Variants in CUL1 observed in about 807,000 individuals in gnomAD.
The protein encoded by CUL1 is cullin 1, also known as cullin-1.
A neutral mutation model predicts 118.0 loss-of-function variants in CUL1; 24 were observed. That is an observed-to-expected ratio of 0.20 (90% CI 0.15 to 0.29). The LOEUF (loss-of-function observed/expected upper bound fraction) is 0.29, where lower values mean the gene tolerates loss of function less well. Among genes scored for constraint, CUL1 ranks in the 10% least tolerant of loss-of-function variants. The pLI, the probability that CUL1 is intolerant of heterozygous loss-of-function variation, is 1.00. For missense variants in CUL1, 361 were observed against 933.8 expected, an observed-to-expected ratio of 0.39 and a Z score of 7.99; for synonymous variants, 332 against 340.4, an observed-to-expected ratio of 0.98 and a Z score of 0.27.
At chr7:148,754,473 CTCTT>C (rs1799594522) in intron 3 of CUL1, among the ~76,000 whole-genome samples, 1 of 152,166 alleles carries the variant, frequency 6.6e-6, no homozygotes, top group Non-Finnish European at 1.5e-5. Flanking sequence ...CCGTGCCCAG[CTCTT>C]TCTGTTTTTT....
intron 2 of CUL1, among the ~76,000 whole-genome samples, chr7:148,741,481 T>G (rs774918930): frequency 1.3e-5 from 2 of 152,236 alleles, no homozygotes; most frequent in Non-Finnish European, 2.9e-5. Context: ...TTGCTGTAAT[T>G]CAGGATGGAG....
chr7:148,760,178 G>T (rs867342692), intron 6 of CUL1, among the ~76,000 whole-genome samples, 155 bp from the exon 7 acceptor site: 1 of 151,996 alleles, frequency 6.6e-6, no homozygotes, highest in Non-Finnish European at 1.5e-5. Flanking sequence ...TTGAAAGAGT[G>T]TACTTTAATA....
intron 1 of CUL1, among the ~76,000 whole-genome samples, chr7:148,703,521 T>TTTTTTTG (rs201651064): frequency 2.8e-4 from 42 of 150,928 alleles, no homozygotes; most frequent in Non-Finnish European, 4.9e-4. Flanking sequence ...CTAGTGAAGG[T>TTTTTTTG]TTTTTTGTTT....
intron 1 of CUL1, among the ~76,000 whole-genome samples, chr7:148,708,137 G>C (rs376329248): frequency 1.6e-4 from 24 of 152,152 alleles, no homozygotes; most frequent in African/African-American, 4.8e-4. Context: ...CTCTCTTCTA[G>C]TCTTTTTTGC....
chr7:148,794,476 T>G (rs1415803447), intron 17 of CUL1, among the ~76,000 whole-genome samples: 3 of 152,240 alleles, frequency 2.0e-5, no homozygotes, highest in African/African-American at 4.8e-5. Flanking sequence ...TACTGTTGTT[T>G]TGCAGTAAAT....
At chr7:148,770,564 T>C (rs1800174384) in intron 9 of CUL1, among the ~76,000 whole-genome samples, 2 of 152,224 alleles carry the variant, frequency 1.3e-5, no homozygotes, top group African/African-American at 4.8e-5. Context: ...GCAGTTTTAT[T>C]CTTATTTGTA....
intron 11 of CUL1, among the ~76,000 whole-genome samples, chr7:148,785,163 G>A (rs1194709103): frequency 6.6e-6 from 1 of 151,876 alleles, no homozygotes; most frequent in African/African-American, 2.4e-5. Flanking sequence ...TTTTTTTCCT[G>A]TTTATTGCAA....
intron 1 of CUL1, among the ~76,000 whole-genome samples, chr7:148,718,994 G>A (rs1241058484): frequency 6.6e-6 from 1 of 152,116 alleles, no homozygotes; most frequent in African/African-American, 2.4e-5. Context: ...GTTTAGAATG[G>A]CTTTAAGTAA....
chr7:148,735,517 A>G (rs2129459762), intron 2 of CUL1, among the ~76,000 whole-genome samples: 1 of 152,380 alleles, frequency 6.6e-6, no homozygotes, highest in Admixed American at 6.5e-5. Flanking sequence ...CAAAATTTCA[A>G]AGAACAGCAG....
chr7:148,791,209 T>TTTTG (rs1444557300), intron 16 of CUL1, among the ~76,000 whole-genome samples: 1 of 152,226 alleles, frequency 6.6e-6, no homozygotes, highest in Non-Finnish European at 1.5e-5. Context: ...CTACTTCCAC[T>TTTTG]TTTGTACTGA....
intron 9 of CUL1, 74 bp from the exon 10 acceptor site, chr7:148,783,709 A>G (rs1225194513): frequency 1.9e-6 from 3 of 1,580,794 alleles, no homozygotes; most frequent in Admixed American, 1.7e-5. Flanking sequence ...ATGCTAGTAC[A>G]TGCATTGTAT....
At chr7:148,785,681 C>A (rs918961671) in intron 11 of CUL1, among the ~76,000 whole-genome samples, 1 of 151,772 alleles carries the variant, frequency 6.6e-6, no homozygotes, top group African/African-American at 2.4e-5. Flanking sequence ...CCTTTTTATC[C>A]TTTGTCTTTT....
At chr7:148,791,871 C>T (rs1801022887) in intron 16 of CUL1, among the ~76,000 whole-genome samples, 1 of 152,234 alleles carries the variant, frequency 6.6e-6, no homozygotes, top group Non-Finnish European at 1.5e-5. Context: ...CAATCAGGAA[C>T]CAACACGTGC....
intron 14 of CUL1, 58 bp downstream of exon 14, chr7:148,788,732 A>T: frequency 2.7e-6 from 3 of 1,113,802 alleles, no homozygotes; most frequent in Non-Finnish European, 4.0e-6. Flanking sequence ...GTAGCAAATG[A>T]AGAAATGACA....
At chr7:148,762,322 A>G (rs1799857034) in intron 7 of CUL1, among the ~76,000 whole-genome samples, 1 of 152,218 alleles carries the variant, frequency 6.6e-6, no homozygotes, top group Admixed American at 6.5e-5. Context: ...TATAGGAGAT[A>G]GTGGTTATAA....
chr7:148,742,282 G>A (rs62507055), intron 2 of CUL1, among the ~76,000 whole-genome samples: 3,560 of 152,212 alleles, frequency 0.023, 61 homozygotes, highest in South Asian at 0.046. Flanking sequence ...AGAGTTCCAC[G>A]TGGCTGGGGA....
In CUL1 at chr7:148,784,024, C is replaced by T. The variant is rs1182621236; in HGVS notation, c.1245C>T (p.Ser415=). The change falls in exon 11 of 22, where the codon TCC becomes TCT. Residue 415 remains serine (S), a synonymous_variant. Transcript: ENST00000325222. ...CGGTTACCAAGATGGCCCAATCATC[C>T]AGTAAATCCCCTGAGTTGCTGGCTC... ...NNAVTKMAQS[S]SKSPELLARY... The T allele has an allele frequency of 1.9e-6, 3 of 1,614,042 alleles. No individual in the cohort carries two copies. Among genetic ancestry groups the T allele is most frequent in the Non-Finnish European group, 1.7e-6 (2 of 1,180,042 alleles).
chr7:148,708,480 C>G (rs568557674), intron 1 of CUL1, among the ~76,000 whole-genome samples: 4 of 152,356 alleles, frequency 2.6e-5, no homozygotes, highest in African/African-American at 2.4e-5. Flanking sequence ...ATTCTGCCCT[C>G]ACGCCTGGCG....
intron 1 of CUL1, among the ~76,000 whole-genome samples, chr7:148,704,913 G>A (rs555997693): frequency 6.6e-6 from 1 of 152,252 alleles, no homozygotes; most frequent in African/African-American, 2.4e-5. Flanking sequence ...GAGAAGCAGG[G>A]GAGCTACTTG....
Sources: gnomAD v4.1 joint callset for allele counts (sites outside exome capture counted in the v4.1 genomes callset) on GRCh38, gnomAD v4.1.1 for gene constraint, MANE v1.5 for transcripts, NCBI Gene and HGNC (gene_info 2026-07-23, HGNC 2026-07-21) for gene names.